CHST11: variants seen among roughly 807,000 people sequenced by gnomAD.
CHST11 encodes carbohydrate sulfotransferase 11.
In CHST11, 9 loss-of-function variants were observed where a neutral mutation model predicts 30.4. The ratio of observed to expected loss-of-function variants is 0.30; its 90% CI spans 0.18 to 0.52. CHST11 has a LOEUF of 0.52. Among genes scored for constraint, CHST11 ranks in the 20% least tolerant of loss-of-function variants. The pLI, the probability that CHST11 is intolerant of heterozygous loss-of-function variation, is 0.97. For missense variants in CHST11, 348 were observed against 460.6 expected, an observed-to-expected ratio of 0.76 and a Z score of 2.24; for synonymous variants, 152 against 187.8, an observed-to-expected ratio of 0.81 and a Z score of 1.56.
At chr12:104,506,572 G>C (rs1057433126) in intron 1 of CHST11, among the ~76,000 whole-genome samples, 5 of 152,184 alleles carry the variant, frequency 3.3e-5, no homozygotes, top group African/African-American at 1.2e-4. Flanking sequence ...CCAGGATGAG[G>C]CTTGGAATCA....
At position 104,760,107 on chromosome 12, in the gene CHST11, T is replaced by C. The variant is rs937719385; in HGVS notation, c.*2304T>C. On this transcript the variant is annotated 3_prime_UTR_variant, in exon 3 of 3. Coordinates refer to ENST00000303694, the MANE Select transcript of CHST11 (RefSeq NM_018413.6). ...AATCCCCAAAAATAATCCTTGAGTCTGTAGCATTTCCTGAACTTACATGAC... is the reference window on the plus strand; with the variant it reads ...AATCCCCAAAAATAATCCTTGAGTCCGTAGCATTTCCTGAACTTACATGAC... 6.6e-6 allele frequency: 1 copy of C among 152,202 alleles called. No individual in the cohort carries two copies. The highest frequency in any genetic ancestry group is 1.5e-5 in the Non-Finnish European group (1 of 68,030). 9.4% of individuals were successfully genotyped at this position (152,202 alleles called of 1,614,324 possible).
In CHST11 at chr12:104,487,612, T is replaced by C. The variant is rs79322226; in HGVS notation, c.118+30083T>C. ...GATGTTTTCATTGTCCTTATTTTAC[T>C]GATGAGGAAGTTGGGCTTGGAGAGG... On this transcript the variant is annotated intron_variant, in intron 1 of 2. Transcript: ENST00000303694. Among the ~76,000 whole-genome samples, 1,801 of 152,346 alleles carry C rather than the reference T, an allele frequency of 0.012. 62 individuals are homozygous for C. In the East Asian group the frequency reaches 0.14, roughly 12 times the overall value.
intron 2 of CHST11, among the ~76,000 whole-genome samples, chr12:104,620,817 CT>C (rs1265075830): frequency 6.6e-6 from 1 of 152,082 alleles, no homozygotes; most frequent in Non-Finnish European, 1.5e-5. Flanking sequence ...GGATTCAGGC[CT>C]AGATAATCTT....
chr12:104,660,346 G>A (rs1199354179), intron 2 of CHST11, among the ~76,000 whole-genome samples: 1 of 152,246 alleles, frequency 6.6e-6, no homozygotes, highest in Non-Finnish European at 1.5e-5. Flanking sequence ...GGTCTCTGCG[G>A]CATTGCCATT....
In CHST11 at chr12:104,540,489, A is replaced by G. The variant is rs1336429604; in HGVS notation, c.119-61417A>G. Among the ~76,000 whole-genome samples, 7 of 152,326 alleles carry G rather than the reference A, an allele frequency of 4.6e-5. No individual in the cohort carries two copies. In the South Asian group the frequency reaches 1.4e-3, roughly 32 times the overall value. On this transcript the variant is annotated intron_variant, in intron 1 of 2. Coordinates refer to ENST00000303694, the MANE Select transcript of CHST11 (RefSeq NM_018413.6). ...AGAGCCATATTTTTTGTAAAGGAAG[A>G]CTGAAAGTCAGAAAGAGTGTGTATG...
intron 1 of CHST11, among the ~76,000 whole-genome samples, chr12:104,592,005 C>G (rs1305914820): frequency 1.3e-5 from 1 of 74,326 alleles, no homozygotes; most frequent in Non-Finnish European, 3.4e-5. Context: ...GACAGATCAC[C>G]TTCTATCCTG....
intron 1 of CHST11, among the ~76,000 whole-genome samples, chr12:104,559,408 C>T (rs1476253844): frequency 6.6e-6 from 1 of 152,224 alleles, no homozygotes; most frequent in African/African-American, 2.4e-5. Flanking sequence ...AAGTCCCTCC[C>T]TTCATGGAGC....
At chr12:104,585,554 A>G (rs142693478) in intron 1 of CHST11, among the ~76,000 whole-genome samples, 145 of 152,358 alleles carry the variant, frequency 9.5e-4, no homozygotes, top group African/African-American at 3.2e-3. Flanking sequence ...CAGTCCCCAC[A>G]ACAACTCTAC....
chr12:104,611,015 C>T (rs1264990257), intron 2 of CHST11, among the ~76,000 whole-genome samples: 1 of 152,198 alleles, frequency 6.6e-6, no homozygotes, highest in Non-Finnish European at 1.5e-5. Context: ...CTCCAGGAAG[C>T]TCTGATTTTT....
chr12:104,741,964 CT>C (rs1172929605), intron 2 of CHST11, among the ~76,000 whole-genome samples: 1 of 152,166 alleles, frequency 6.6e-6, no homozygotes, highest in Non-Finnish European at 1.5e-5. Flanking sequence ...TTGAGAAATG[CT>C]GTCAGGTGAA....
intron 1 of CHST11, among the ~76,000 whole-genome samples, chr12:104,593,405 A>T (rs1028629794): frequency 6.6e-6 from 1 of 152,182 alleles, no homozygotes; most frequent in African/African-American, 2.4e-5. Flanking sequence ...GGGAAGTTGG[A>T]AAACTTAAGT....
At chr12:104,518,131 A>T (rs988659824) in intron 1 of CHST11, among the ~76,000 whole-genome samples, 2 of 152,044 alleles carry the variant, frequency 1.3e-5, no homozygotes, top group Middle Eastern at 3.2e-3. Flanking sequence ...ACAAAAAAAT[A>T]AAAAAATTAG....
At chr12:104,457,811 C>T (rs78440019) in intron 1 of CHST11, among the ~76,000 whole-genome samples, 30,943 of 131,582 alleles carry the variant, frequency 0.24, 4,528 homozygotes, top group African/African-American at 0.44. Context: ...TTTTCTTCTT[C>T]TTTTTTTCTT....
chr12:104,694,596 G>A (rs1345653391), intron 2 of CHST11, among the ~76,000 whole-genome samples: 8 of 152,140 alleles, frequency 5.3e-5, no homozygotes, highest in African/African-American at 1.2e-4. Flanking sequence ...TTAACGAAGC[G>A]GGTGACTTCA....
At chr12:104,647,157 G>T (rs960342541) in intron 2 of CHST11, among the ~76,000 whole-genome samples, 1 of 152,214 alleles carries the variant, frequency 6.6e-6, no homozygotes, top group Non-Finnish European at 1.5e-5. Context: ...TGCTGCAAGT[G>T]GAGGCTCCTG....
chr12:104,680,770 G>A (rs77665034), intron 2 of CHST11, among the ~76,000 whole-genome samples: 1,755 of 152,242 alleles, frequency 0.012, 31 homozygotes, highest in African/African-American at 0.039. Context: ...ACACTCCCCC[G>A]GGTTCTCACG....
At chr12:104,467,634 T>TTCAG (rs1291263995) in intron 1 of CHST11, among the ~76,000 whole-genome samples, 5 of 152,196 alleles carry the variant, frequency 3.3e-5, no homozygotes, top group Admixed American at 3.3e-4. Flanking sequence ...ATGGAAGTGT[T>TTCAG]TCAGTCCTTA....
intron 2 of CHST11, among the ~76,000 whole-genome samples, chr12:104,742,723 G>A (rs772021718): frequency 6.6e-6 from 1 of 152,162 alleles, no homozygotes; most frequent in Non-Finnish European, 1.5e-5. Flanking sequence ...AGGGAGCCCC[G>A]GGGGTACCAC....
chr12:104,693,374 C>A (rs312145), intron 2 of CHST11, among the ~76,000 whole-genome samples: 75,665 of 152,072 alleles, frequency 0.5, 20,085 homozygotes, highest in Middle Eastern at 0.71. Flanking sequence ...CTATGCCATA[C>A]CTAGGGTAGC....
Sources: allele counts gnomAD v4.1 joint callset (sites outside exome capture counted in the v4.1 genomes callset), GRCh38; gene constraint gnomAD v4.1.1; transcripts MANE v1.5; gene names NCBI Gene and HGNC (gene_info 2026-07-23, HGNC 2026-07-21).